AKAP7: variants seen among roughly 807,000 people sequenced by gnomAD.
The protein encoded by AKAP7 is A kinase (PRKA) anchor protein 7.
A neutral mutation model predicts 39.5 loss-of-function variants in AKAP7; 39 were observed. That is an observed-to-expected ratio of 0.99 (90% CI 0.76 to 1.29). The LOEUF (loss-of-function observed/expected upper bound fraction) is 1.29. AKAP7 is among the 50% of genes most tolerant of loss of function. AKAP7 has a pLI of 0.00. For synonymous variants in AKAP7, 140 were observed against 139.1 expected (o/e 1.01, Z -0.05); for missense variants, 414 against 407.7 (o/e 1.02, Z -0.13).
intron 7 of AKAP7, among the ~76,000 whole-genome samples, chr6:131,254,114 A>G (rs1181153081): frequency 6.6e-6 from 1 of 152,022 alleles, no homozygotes; most frequent in East Asian, 1.9e-4. Context: ...TTGGAAATTA[A>G]ACATTTTTCC....
At position 131,135,774 on chromosome 6, in the gene AKAP7, C is replaced by A; in HGVS notation, c.11C>A (p.Pro4His). The A allele has an allele frequency of 1.6e-6, 2 of 1,230,516 alleles. No individual in the cohort carries two copies. Among genetic ancestry groups the A allele is most frequent in the Admixed American group, 4.3e-5 (1 of 23,486 alleles). The allele number at this position is 1,230,516 out of a possible 1,614,324, so 76.2% of individuals were successfully genotyped here. MER[P>H]EAGGINSNEC... ...GCATGCGCCGCGACCATGGAGCGCC[C>A]CGAAGCGGGTGAGACCGGGCTGTCC... Residue 4 changes from proline to histidine, a missense_variant, in exon 1 of 8, where the codon CCC becomes CAC. By Grantham distance (77) the Pro-to-His change is moderately conservative. Coordinates refer to ENST00000431975, the MANE Select transcript of AKAP7 (RefSeq NM_016377.4).
chr6:131,249,220 A>G (rs1168930183), intron 7 of AKAP7, among the ~76,000 whole-genome samples: 2 of 152,204 alleles, frequency 1.3e-5, no homozygotes, highest in African/African-American at 4.8e-5. Context: ...TGTGACATAT[A>G]AAAACAACTG....
chr6:131,189,602 A>G (rs1806207540), intron 5 of AKAP7, among the ~76,000 whole-genome samples: 1 of 152,156 alleles, frequency 6.6e-6, no homozygotes, highest in South Asian at 2.1e-4. Context: ...ATGTAAATTT[A>G]TTGCTGCTAC....
chr6:131,246,066 CT>C, intron 7 of AKAP7, among the ~76,000 whole-genome samples: 1 of 149,798 alleles, frequency 6.7e-6, no homozygotes, highest in South Asian at 2.1e-4. Context: ...ATGACTCAGA[CT>C]TTTCCATGAG....
chr6:131,169,369 G>C (rs933915841), intron 5 of AKAP7, 96 bp downstream of exon 5: 15 of 1,348,240 alleles, frequency 1.1e-5, no homozygotes, highest in Admixed American at 2.0e-5. Context: ...AATTTTAAAA[G>C]ATGATGGACT....
chr6:131,243,145 C>T (rs1811747034), intron 7 of AKAP7, among the ~76,000 whole-genome samples: 1 of 152,138 alleles, frequency 6.6e-6, no homozygotes, highest in South Asian at 2.1e-4. Flanking sequence ...CTTGTCAAGC[C>T]ACTGAATTAA....
chr6:131,130,914 G>C (rs9372991), upstream of AKAP7, among the ~76,000 whole-genome samples: 24,162 of 151,986 alleles, frequency 0.16, 2,841 homozygotes, highest in East Asian at 0.57. Context: ...CTTGCAGTTG[G>C]CTTTGCAGGG....
At chr6:131,232,569 TA>T (rs1163376317) in intron 7 of AKAP7, among the ~76,000 whole-genome samples, 4 of 152,124 alleles carry the variant, frequency 2.6e-5, no homozygotes, top group Non-Finnish European at 5.9e-5. Context: ...CTCACACCTG[TA>T]ATCACAGCAC....
At chr6:131,225,868 A>G (rs1347540864) in intron 7 of AKAP7, among the ~76,000 whole-genome samples, 1 of 152,198 alleles carries the variant, frequency 6.6e-6, no homozygotes, top group Non-Finnish European at 1.5e-5. Flanking sequence ...TTTACACCCC[A>G]TCACATCTTT....
intron 7 of AKAP7, among the ~76,000 whole-genome samples, chr6:131,247,224 T>C (rs751374421): frequency 5.2e-4 from 73 of 141,294 alleles, no homozygotes; most frequent in Non-Finnish European, 9.6e-4. Context: ...CTAGCTCCCC[T>C]TCATTCATGC....
chr6:131,255,409 G>A (rs567344823), intron 7 of AKAP7, among the ~76,000 whole-genome samples: 3 of 152,266 alleles, frequency 2.0e-5, no homozygotes, highest in Non-Finnish European at 4.4e-5. Context: ...GTTACTGAAC[G>A]TACCAGAGAA....
At chr6:131,237,103 T>G (rs1401224922) in intron 7 of AKAP7, among the ~76,000 whole-genome samples, 1 of 151,996 alleles carries the variant, frequency 6.6e-6, no homozygotes, top group Non-Finnish European at 1.5e-5. Flanking sequence ...TTATTGAGAG[T>G]TTTTAGCATG....
the AKAP7 span, among the ~76,000 whole-genome samples, chr6:131,126,799 C>G: frequency 6.6e-6 from 1 of 152,220 alleles, no homozygotes; most frequent in East Asian, 1.9e-4. Flanking sequence ...GTTACAAGGA[C>G]CAGAACTGAG....
chr6:131,260,920 G>A (rs922981220), intron 7 of AKAP7, among the ~76,000 whole-genome samples: 14 of 151,814 alleles, frequency 9.2e-5, no homozygotes, highest in African/African-American at 2.4e-4. Flanking sequence ...TTAATGGCCC[G>A]GCACAGTGGC....
chr6:131,156,999 T>G (rs1802478534), intron 2 of AKAP7, among the ~76,000 whole-genome samples: 1 of 152,018 alleles, frequency 6.6e-6, no homozygotes, highest in Admixed American at 6.6e-5. Context: ...GTGGTCTTGA[T>G]CTCCTGACCT....
intron 7 of AKAP7, among the ~76,000 whole-genome samples, chr6:131,247,526 A>G (rs1225324904): frequency 6.6e-6 from 1 of 151,068 alleles, no homozygotes; most frequent in East Asian, 2.0e-4. Flanking sequence ...GGGTTTCACT[A>G]TGTTAGGCTG....
At chr6:131,128,794 C>T in the AKAP7 span, among the ~76,000 whole-genome samples, 1 of 140,914 alleles carries the variant, frequency 7.1e-6, no homozygotes, top group Non-Finnish European at 1.5e-5. Flanking sequence ...TGCACTCCAA[C>T]CTGGGCAAAA....
chr6:131,158,392 C>T (rs1802612907), intron 2 of AKAP7, among the ~76,000 whole-genome samples: 2 of 152,174 alleles, frequency 1.3e-5, no homozygotes, highest in African/African-American at 4.8e-5. Flanking sequence ...AAGATGAAAC[C>T]AACCGAATAG....
At position 131,282,610 on chromosome 6, in the gene AKAP7, A is replaced by G. The variant is rs1815294501; in HGVS notation, c.*884A>G. On this transcript the variant is annotated 3_prime_UTR_variant, in exon 8 of 8. Coordinates refer to ENST00000431975, the MANE Select transcript of AKAP7 (RefSeq NM_016377.4). ...TCAGCACAACTTTGACATAAGCTCTACATTGCGATTGTGACAACATAGCTT... is the reference window on the plus strand; with the variant it reads ...TCAGCACAACTTTGACATAAGCTCTGCATTGCGATTGTGACAACATAGCTT... The G allele has an allele frequency of 6.5e-6, 10 of 1,528,798 alleles. No individual in the cohort carries two copies. The highest frequency in any genetic ancestry group is 2.0e-5 in the Admixed American group (1 of 50,796). The allele number at this position is 1,528,798 out of a possible 1,614,324, so 94.7% of individuals were successfully genotyped here. A position where few individuals can be genotyped will look rare whatever the true frequency, so the allele number is the denominator to read the frequency against.
Sources: gnomAD v4.1 joint callset for allele counts (sites outside exome capture counted in the v4.1 genomes callset) on GRCh38, gnomAD v4.1.1 for gene constraint, MANE v1.5 for transcripts, NCBI Gene and HGNC (gene_info 2026-07-23, HGNC 2026-07-21) for gene names.